Variants in KCNS3 observed in about 807,000 individuals in gnomAD.
KCNS3 encodes the protein delayed-rectifier potassium channel regulatory subunit KCNS3.
KCNS3 carries 13 observed loss-of-function variants against 31.0 expected under a neutral mutation model. The observed-to-expected ratio is 0.42, with a 90% CI of 0.27 to 0.67. KCNS3 has a LOEUF of 0.67. Ranked by LOEUF, KCNS3 falls within the 30% of genes least tolerant of loss-of-function variation. KCNS3 has a pLI of 0.25. For synonymous variants in KCNS3, 238 were observed against 241.5 expected (o/e 0.99, Z 0.13); for missense variants, 545 against 622.4 (o/e 0.88, Z 1.32).
At chr2:17,909,653 T>C (rs1662425537) in intron 1 of KCNS3, among the ~76,000 whole-genome samples, 1 of 152,176 alleles carries the variant, frequency 6.6e-6, no homozygotes, top group Non-Finnish European at 1.5e-5. Flanking sequence ...GATGTTCTTG[T>C]TGAGAAGATA....
chr2:17,882,939 T>C (rs1221264296), intron 1 of KCNS3, among the ~76,000 whole-genome samples: 2 of 152,218 alleles, frequency 1.3e-5, no homozygotes, highest in Non-Finnish European at 2.9e-5. Flanking sequence ...GCTAAAATAG[T>C]TACTAGGCTA....
Position 17,878,714 on chromosome 2 carries a change from A to G in KCNS3, c.-344A>G, listed in dbSNP as rs1273771920. On this transcript the variant is annotated 5_prime_UTR_variant, in exon 1 of 3. Coordinates refer to ENST00000304101, the MANE Select transcript of KCNS3 (RefSeq NM_002252.5). ...CCGCTCTCCTCGCCGCCGCGGCGGCAGGCGCGGGGCCGCGCCGCGAGGCCT... is the reference window on the plus strand; with the variant it reads ...CCGCTCTCCTCGCCGCCGCGGCGGCGGGCGCGGGGCCGCGCCGCGAGGCCT... The G allele has an allele frequency of 3.3e-5, 5 of 150,286 alleles. No individual in the cohort carries two copies. Among genetic ancestry groups the G allele is most frequent in the Admixed American group, 2.6e-4 (4 of 15,148 alleles). The allele number at this position is 150,286 out of a possible 1,614,324, so 9.3% of individuals were successfully genotyped here. A position where few individuals can be genotyped will look rare whatever the true frequency, so the allele number is the denominator to read the frequency against.
chr2:17,898,035 A>G (rs1228417288), intron 1 of KCNS3, among the ~76,000 whole-genome samples: 1 of 152,164 alleles, frequency 6.6e-6, no homozygotes, highest in African/African-American at 2.4e-5. Context: ...CAGTTATCTC[A>G]GCACCATTTA....
At chr2:17,911,682 A>G (rs1268654347) in intron 1 of KCNS3, among the ~76,000 whole-genome samples, 1 of 152,210 alleles carries the variant, frequency 6.6e-6, no homozygotes, top group African/African-American at 2.4e-5. Context: ...GGATCATGCT[A>G]TATATTGCGT....
At chr2:17,911,569 G>C (rs772072405) in intron 1 of KCNS3, among the ~76,000 whole-genome samples, 1 of 152,248 alleles carries the variant, frequency 6.6e-6, no homozygotes, top group Non-Finnish European at 1.5e-5. Flanking sequence ...GATGTAGAGA[G>C]TAGAAAGCAA....
At chr2:17,888,839 A>G (rs1449699180) in intron 1 of KCNS3, among the ~76,000 whole-genome samples, 1 of 151,312 alleles carries the variant, frequency 6.6e-6, no homozygotes, top group South Asian at 2.1e-4. Flanking sequence ...GCCTTATAGT[A>G]TAGTTTGAAA....
rs150217401 is a variant in KCNS3 at position 17,902,987 on chromosome 2, C to T, written c.-251-14693C>T. The stretch of plus-strand genomic sequence containing the variant: ...TATCTTGTCTTTAATAAAAACTCTC[C>T]TAATTAAGGAAAAACATGTACCTGC... On this transcript the variant is annotated intron_variant, in intron 1 of 2. Transcript: ENST00000304101. Among the ~76,000 whole-genome samples the T allele has an allele frequency of 1.4e-3, 211 of 152,298 alleles. 2 individuals carry two copies. Among genetic ancestry groups the T allele is most frequent in the Non-Finnish European group, 2.2e-3 (148 of 68,018 alleles).
chr2:17,921,804 T>G (rs987157785), intron 2 of KCNS3, among the ~76,000 whole-genome samples: 3 of 150,774 alleles, frequency 2.0e-5, no homozygotes, highest in Non-Finnish European at 3.0e-5. Context: ...ACCAGGCCCC[T>G]CCCCTGACAC....
chr2:17,909,569 C>T (rs1454920831), intron 1 of KCNS3, among the ~76,000 whole-genome samples: 8 of 152,074 alleles, frequency 5.3e-5, no homozygotes, highest in African/African-American at 1.4e-4. Flanking sequence ...AGCTGTAGAC[C>T]GGAGCTGTTC....
chr2:17,879,701 G>T (rs1674595885), intron 1 of KCNS3, among the ~76,000 whole-genome samples: 1 of 152,190 alleles, frequency 6.6e-6, no homozygotes, highest in Non-Finnish European at 1.5e-5. Context: ...GTCCCTTCTC[G>T]TTCATTTGGA....
chr2:17,879,023 G>A (rs1364996098), intron 1 of KCNS3, among the ~76,000 whole-genome samples: 1 of 152,192 alleles, frequency 6.6e-6, no homozygotes, highest in African/African-American at 2.4e-5. Context: ...AGAGCCCGCC[G>A]TCGCTGGAGC....
At chr2:17,916,353 G>A (rs980066933) in intron 1 of KCNS3, among the ~76,000 whole-genome samples, 2 of 151,848 alleles carry the variant, frequency 1.3e-5, no homozygotes, top group Non-Finnish European at 2.9e-5. Context: ...GGAAGAGGGA[G>A]AAAGAAGGAG....
chr2:17,888,518 T>C (rs543031750), intron 1 of KCNS3, among the ~76,000 whole-genome samples: 2 of 150,930 alleles, frequency 1.3e-5, no homozygotes, highest in South Asian at 4.2e-4. Flanking sequence ...ATACCTAATG[T>C]AAATGATGAG....
intron 1 of KCNS3, among the ~76,000 whole-genome samples, chr2:17,886,446 A>AT (rs960758664): frequency 4.6e-5 from 7 of 151,882 alleles, no homozygotes; most frequent in African/African-American, 1.2e-4. Flanking sequence ...TCTTGGAAGT[A>AT]TTTTTTTTGT....
chr2:17,891,108 T>G (rs1211289861), intron 1 of KCNS3, among the ~76,000 whole-genome samples: 2 of 152,202 alleles, frequency 1.3e-5, no homozygotes, highest in Non-Finnish European at 2.9e-5. Flanking sequence ...CTTCAGTGTT[T>G]GGTGCATATA....
rs1662996592 is a variant in KCNS3, at chr2:17,931,951, G to A, written c.943G>A (p.Ala315Thr). The change falls in exon 3 of 3, where the codon GCC becomes ACC. Residue 315 changes from alanine to threonine, a missense_variant. By Grantham distance (58) the Ala-to-Thr change is moderately conservative. Transcript: ENST00000304101. This position sits in a 1 kb window ranked among gnomAD's most constrained non-coding sequence, Gnocchi z 5.4. ...RHSVGLRSLG[A>T]TLRHSYHEVG... Reference sequence around the variant, plus strand: ...CTCGGTAGGACTTCGGTCTCTAGGTGCCACACTGAGACACAGCTACCATGA... The same window carrying A: ...CTCGGTAGGACTTCGGTCTCTAGGTACCACACTGAGACACAGCTACCATGA... 6.2e-7 allele frequency: 1 copy of A among 1,614,088 alleles called. No homozygotes were observed. Among genetic ancestry groups the A allele is most frequent in the East Asian group, 2.2e-5 (1 of 44,880 alleles).
At chr2:17,893,272 C>G (rs1249568314) in intron 1 of KCNS3, among the ~76,000 whole-genome samples, 1 of 152,186 alleles carries the variant, frequency 6.6e-6, no homozygotes, top group East Asian at 1.9e-4. Context: ...CACCCTGTCC[C>G]CTCCTACAGC....
chr2:17,892,788 G>C (rs956235020), intron 1 of KCNS3, among the ~76,000 whole-genome samples: 2 of 152,192 alleles, frequency 1.3e-5, no homozygotes, highest in Admixed American at 1.3e-4. Context: ...GATATGAACT[G>C]TCTATGGGTC....
rs907293335 is a variant in KCNS3 at position 17,931,756 on chromosome 2, T to G, written c.748T>G (p.Phe250Val). 2 of 1,613,882 alleles carry G rather than the reference T, an allele frequency of 1.2e-6. No homozygotes were observed. The highest frequency in any genetic ancestry group is 1.7e-6 in the Non-Finnish European group (2 of 1,179,830). ...RLAAAPCQKK[F>V]WKNPLNIIDF... ...GGCTGCCGCTCCTTGTCAAAAGAAA[T>G]TCTGGAAAAACCCTCTGAACATCAT... The change falls in exon 3 of 3, where the codon TTC becomes GTC. Residue 250 changes from phenylalanine (F) to valine (V), a missense_variant. By Grantham distance (50) the Phe-to-Val change is conservative. Coordinates refer to ENST00000304101, the MANE Select transcript of KCNS3 (RefSeq NM_002252.5). The surrounding 1 kb of genome is among the most constrained non-coding windows in gnomAD (Gnocchi z 5.4).
Sources: allele counts gnomAD v4.1 joint callset (sites outside exome capture counted in the v4.1 genomes callset), GRCh38; gene constraint gnomAD v4.1.1; non-coding constraint Gnocchi (gnomAD v3.1); transcripts MANE v1.5; gene names NCBI Gene and HGNC (gene_info 2026-07-23, HGNC 2026-07-21).